Variants in SNX6 observed in about 807,000 individuals in gnomAD.
SNX6 encodes sorting nexin 6.
SNX6 carries 34 observed loss-of-function variants against 63.0 expected under a neutral mutation model. That is an observed-to-expected ratio of 0.54 (90% CI 0.41 to 0.72). The LOEUF (loss-of-function observed/expected upper bound fraction) is 0.72. Among genes scored for constraint, SNX6 ranks in the 30% least tolerant of loss-of-function variants. SNX6 has a pLI of 0.00. For missense variants in SNX6, 398 were observed against 471.4 expected, an observed-to-expected ratio of 0.84 and a Z score of 1.44; for synonymous variants, 170 against 164.2, an observed-to-expected ratio of 1.04 and a Z score of -0.27.
intron 2 of SNX6, among the ~76,000 whole-genome samples, chr14:34,627,266 G>A (rs1883863270): frequency 1.3e-5 from 2 of 152,020 alleles, no homozygotes; most frequent in Non-Finnish European, 2.9e-5. Context: ...CTAACACGGT[G>A]AAACCCCGTC....
chr14:34,576,220 C>T (rs1447015429), intron 10 of SNX6, among the ~76,000 whole-genome samples: 3 of 151,822 alleles, frequency 2.0e-5, no homozygotes, highest in South Asian at 4.1e-4. Flanking sequence ...CCACCGCGCC[C>T]GGCCTCGTTT....
intron 2 of SNX6, among the ~76,000 whole-genome samples, chr14:34,614,887 C>A (rs568252941): frequency 6.6e-6 from 1 of 152,080 alleles, no homozygotes; most frequent in Admixed American, 6.6e-5. Context: ...TCTCGTAAGA[C>A]CCTATTTCAA....
At chr14:34,624,268 T>C (rs1025020406) in intron 2 of SNX6, among the ~76,000 whole-genome samples, 3 of 152,028 alleles carry the variant, frequency 2.0e-5, no homozygotes, top group African/African-American at 7.2e-5. Flanking sequence ...GCCCGGCTAA[T>C]TTTTGTATTT....
rs575010548 is a variant in SNX6, at chr14:34,592,777, C to A, written c.718+268G>T. On this transcript the variant is annotated intron_variant, in intron 8 of 13. Transcript: ENST00000362031. ...GGTGCAATACAAACAGGATCTTACTCTGTTGCTCAGGCTGGTCTTGAATTC... is the reference window on the plus strand; with the variant it reads ...GGTGCAATACAAACAGGATCTTACTATGTTGCTCAGGCTGGTCTTGAATTC... Among the ~76,000 whole-genome samples, 109 of 152,308 alleles carry A rather than the reference C, an allele frequency of 7.2e-4. 1 individual carries two copies. The South Asian group carries it at 8.5e-3, about 12-fold the overall frequency.
chr14:34,568,146 T>A, intron 11 of SNX6, 133 bp from the exon 12 acceptor site: 2 of 449,244 alleles, frequency 4.5e-6, no homozygotes, highest in African/African-American at 2.2e-5. Flanking sequence ...TTACTCCAAT[T>A]TTTTTTTTTT....
chr14:34,617,660 G>A (rs921066836), intron 2 of SNX6, among the ~76,000 whole-genome samples: 1 of 143,350 alleles, frequency 7.0e-6, no homozygotes, highest in Non-Finnish European at 1.5e-5. Context: ...GGTGGCTCAC[G>A]CCTGTAATCC....
intron 2 of SNX6, among the ~76,000 whole-genome samples, chr14:34,616,437 A>G (rs1883422308): frequency 6.6e-6 from 1 of 152,130 alleles, no homozygotes; most frequent in Admixed American, 6.6e-5. Context: ...TGGCACAATC[A>G]TAGCTCATTT....
At chr14:34,612,242 G>C (rs1394758705) in intron 2 of SNX6, among the ~76,000 whole-genome samples, 2 of 152,136 alleles carry the variant, frequency 1.3e-5, no homozygotes, top group African/African-American at 4.8e-5. Flanking sequence ...AGCCAGGCCA[G>C]GCCACTTTTA....
At chr14:34,586,944 G>T (rs1882184492) in intron 8 of SNX6, among the ~76,000 whole-genome samples, 1 of 140,814 alleles carries the variant, frequency 7.1e-6, no homozygotes, top group Admixed American at 7.5e-5. Flanking sequence ...GGGAGGCGGA[G>T]GTTGCAGTGA....
intron 3 of SNX6, 122 bp from the exon 4 acceptor site, chr14:34,608,262 C>T: frequency 1.9e-6 from 1 of 527,072 alleles, no homozygotes; most frequent in South Asian, 2.2e-5. Flanking sequence ...ACTGCAGCCT[C>T]AACCTCCCAG....
At chr14:34,568,087 C>G in intron 11 of SNX6, 74 bp from the exon 12 acceptor site, 2 of 1,231,574 alleles carry the variant, frequency 1.6e-6, no homozygotes, top group South Asian at 2.7e-5. Context: ...ACCACTGTCA[C>G]CACCACCACA....
intron 2 of SNX6, among the ~76,000 whole-genome samples, chr14:34,627,920 C>T (rs574379563): frequency 4.6e-5 from 7 of 152,106 alleles, no homozygotes; most frequent in Non-Finnish European, 1.0e-4. Flanking sequence ...TGTGCCTGGC[C>T]GAAACTAAAA....
At chr14:34,582,207 C>G (rs1204777273) in intron 9 of SNX6, among the ~76,000 whole-genome samples, 1 of 150,648 alleles carries the variant, frequency 6.6e-6, no homozygotes, top group African/African-American at 2.4e-5. Flanking sequence ...CCTCAGCTCA[C>G]TGCAACCTCT....
intron 10 of SNX6, among the ~76,000 whole-genome samples, chr14:34,581,107 T>C (rs1881915767): frequency 6.6e-6 from 1 of 152,214 alleles, no homozygotes; most frequent in Admixed American, 6.6e-5. Context: ...GCAAGTTAAA[T>C]ATTACCACAT....
intron 2 of SNX6, among the ~76,000 whole-genome samples, chr14:34,617,116 G>C (rs1883445975): frequency 6.6e-6 from 1 of 151,266 alleles, no homozygotes; most frequent in Non-Finnish European, 1.5e-5. Flanking sequence ...TGTAACTAGT[G>C]AGTTCAGTTT....
Position 34,608,042 on chromosome 14 carries a change from A to C in SNX6, c.258T>G (p.Tyr86Ter). 1 of 1,579,824 alleles carries C rather than the reference A, an allele frequency of 6.3e-7. No individual in the cohort carries two copies. Residue 86 changes from tyrosine (Y) to a stop codon, truncating the protein, a stop_gained, in exon 4 of 14, where the codon TAT (tyrosine) becomes TAG (stop). Coordinates refer to ENST00000362031, the MANE Select transcript of SNX6 (RefSeq NM_152233.4). LOFTEE classifies it high-confidence loss of function. ...TCTCAATACTTACGATATAACCTGC[A>C]TAGTCTTCATTTTCAACAAAGGAAT... The part of the protein sequence containing the change: ...LHDSFVENED[Y>*]AGYIIPPAPP...
At chr14:34,572,068 T>C (rs1276373818) in intron 11 of SNX6, among the ~76,000 whole-genome samples, 2 of 142,134 alleles carry the variant, frequency 1.4e-5, no homozygotes, top group East Asian at 2.1e-4. Context: ...TAAGAAACTA[T>C]GAAGTTTTCC....
chr14:34,597,625 AT>A lies in SNX6; in HGVS notation c.536del (p.Asn179IlefsTer20). On this transcript the variant is annotated frameshift_variant, in exon 7 of 14. Coordinates refer to ENST00000362031, the MANE Select transcript of SNX6 (RefSeq NM_152233.4). LOFTEE classifies it high-confidence loss of function. ...YNQDLSVRGK[N>X]KKEKLEDFFK... ...AGAAGTCTTCAAGTTTCTCTTTTTT[AT>A]TTTTTCCTCGCACACTCAACTGAAA... The A allele has an allele frequency of 6.2e-7, 1 of 1,602,612 alleles. No individual in the cohort carries two copies.
chr14:34,586,860 T>C (rs1320390381), intron 8 of SNX6, among the ~76,000 whole-genome samples: 1 of 150,472 alleles, frequency 6.6e-6, no homozygotes, highest in African/African-American at 2.5e-5. Context: ...ATACAAAATA[T>C]TAGCCGGGCA....
Sources: allele counts gnomAD v4.1 joint callset (sites outside exome capture counted in the v4.1 genomes callset), GRCh38; gene constraint gnomAD v4.1.1; transcripts MANE v1.5; gene names NCBI Gene and HGNC (gene_info 2026-07-23, HGNC 2026-07-21).